LETMD1: variants seen among roughly 807,000 people sequenced by gnomAD.
LETMD1 encodes the protein LETM1 domain-containing protein 1.
Under a neutral mutation model 43.9 loss-of-function variants are expected in LETMD1, and 30 were observed. The ratio of observed to expected loss-of-function variants is 0.68; its 90% CI spans 0.51 to 0.93. LETMD1 has a LOEUF of 0.93. LETMD1 is among the 40% of genes least tolerant of loss of function. The pLI is 0.00. For missense variants in LETMD1, 413 were observed against 447.7 expected (o/e 0.92, Z 0.70); for synonymous variants, 176 against 163.1 (o/e 1.08, Z -0.60).
At chr12:51,059,318 A>AT in intron 8 of LETMD1, 43 bp from the exon 9 acceptor site, 1 of 1,556,998 alleles carries the variant, frequency 6.4e-7, no homozygotes, top group Admixed American at 1.7e-5. Context: ...AGGCAGTTAT[A>AT]AGGCAGTGTT....
At chr12:51,048,953 T>C (rs1945147980) in intron 1 of LETMD1, 81 bp from the exon 2 acceptor site, 1 of 1,323,702 alleles carries the variant, frequency 7.6e-7, no homozygotes, top group African/African-American at 1.5e-5. Flanking sequence ...TCTCCGAGAC[T>C]CCTGCTTTAC....
At position 51,053,836 on chromosome 12, in the gene LETMD1, C is replaced by G. The variant is rs1473639463; in HGVS notation, c.449C>G (p.Ala150Gly). Residue 150 changes from alanine (A) to glycine (G), a missense_variant, in exon 4 of 9, where the codon GCC becomes GGC. Coordinates refer to ENST00000262055, the MANE Select transcript of LETMD1 (RefSeq NM_015416.5). ...FLGIISIPPF[A>G]NYLVFLLMYL... ...GGTATTATTTCCATTCCACCTTTTG[C>G]CAACTACCTGGTCTTCTTGCTAATG... The G allele has an allele frequency of 6.2e-7, 1 of 1,612,462 alleles. No homozygotes were observed. Among genetic ancestry groups the G allele is most frequent in the Non-Finnish European group, 8.5e-7 (1 of 1,178,718 alleles).
At chr12:51,067,470 T>C in the LETMD1 span, among the ~76,000 whole-genome samples, 1 of 151,512 alleles carries the variant, frequency 6.6e-6, no homozygotes, top group South Asian at 2.1e-4. The surrounding 1 kb of genome is among the most constrained non-coding windows in gnomAD (Gnocchi z 4.1). Context: ...GCCTCCCACA[T>C]AGCTAGGATT....
the LETMD1 span, among the ~76,000 whole-genome samples, chr12:51,066,072 T>G: frequency 6.6e-6 from 1 of 151,950 alleles, no homozygotes. Flanking sequence ...GTAATCCCAG[T>G]ACTTCGGGAG....
chr12:51,058,767 C>A (rs1206291116), intron 8 of LETMD1: 1 of 160,734 alleles, frequency 6.2e-6, no homozygotes, highest in Admixed American at 5.9e-5. Flanking sequence ...TCCCTAGCCT[C>A]TACCCACTAG....
chr12:51,068,064 G>A, the LETMD1 span: 72 of 1,180,578 alleles, frequency 6.1e-5, no homozygotes, highest in Middle Eastern at 1.0e-3. Flanking sequence ...TGAACCTTCT[G>A]CAATCATGGG....
intron 1 of LETMD1, chr12:51,048,730 C>T: frequency 1.7e-6 from 1 of 601,544 alleles, no homozygotes; most frequent in Non-Finnish European, 2.9e-6. Flanking sequence ...TTTTTCGGCT[C>T]AGGTTTTACC....
downstream of LETMD1, among the ~76,000 whole-genome samples, chr12:51,060,829 G>A (rs1948795113): frequency 6.6e-6 from 1 of 150,978 alleles, no homozygotes; most frequent in African/African-American, 2.4e-5. Flanking sequence ...GTGAACCCGG[G>A]AGGCGGAGCT....
chr12:51,060,377 G>C lies in LETMD1; in HGVS notation c.*946G>C, dbSNP rs935505858. The C allele has an allele frequency of 1.3e-5, 2 of 152,298 alleles. No individual in the cohort carries two copies. Among genetic ancestry groups the C allele is most frequent in the African/African-American group, 2.4e-5 (1 of 41,450 alleles). 9.4% of individuals were successfully genotyped at this position (152,298 alleles called of 1,614,324 possible). A position where few individuals can be genotyped will look rare whatever the true frequency, so the allele number is the denominator to read the frequency against. ...ACTTATTGTAAATGCATGAAGCACT[G>C]TTTTTAAACCCAAGTAAAGACTGCT... On this transcript the variant is annotated 3_prime_UTR_variant, in exon 9 of 9. Coordinates refer to ENST00000262055, the MANE Select transcript of LETMD1 (RefSeq NM_015416.5).
chr12:51,054,476 G>T (rs1566115090), intron 4 of LETMD1, among the ~76,000 whole-genome samples: 1 of 152,150 alleles, frequency 6.6e-6, no homozygotes, highest in Non-Finnish European at 1.5e-5. Flanking sequence ...TCACTCTTAT[G>T]TCTGGTGCCC....
chr12:51,063,685 G>T, downstream of LETMD1: 9 of 1,306,566 alleles, frequency 6.9e-6, no homozygotes, highest in South Asian at 1.5e-4. Flanking sequence ...TTTTGAAATG[G>T]TGTTAGATAA....
chr12:51,053,940 C>T (rs569131734), intron 4 of LETMD1, 80 bp downstream of exon 4: 3 of 915,938 alleles, frequency 3.3e-6, no homozygotes, highest in East Asian at 2.4e-5. Flanking sequence ...AAACAGCACT[C>T]ATTTCAGAAG....
downstream of LETMD1, among the ~76,000 whole-genome samples, chr12:51,064,917 T>C (rs563765703): frequency 1.3e-5 from 2 of 152,344 alleles, no homozygotes; most frequent in East Asian, 3.9e-4. Context: ...CATTTATCTC[T>C]CTAGGGCTTT....
intron 8 of LETMD1, chr12:51,058,349 T>C (rs1293068766): frequency 3.6e-6 from 2 of 550,236 alleles, no homozygotes; most frequent in Non-Finnish European, 6.5e-6. Flanking sequence ...TAAGAGTGAA[T>C]GCATGCTAGT....
chr12:51,055,883 A>G lies in LETMD1; in HGVS notation c.522A>G (p.Lys174=). 2 of 1,613,890 alleles carry G rather than the reference A, an allele frequency of 1.2e-6. No individual in the cohort carries two copies. The highest frequency in any genetic ancestry group is 1.7e-6 in the Non-Finnish European group (2 of 1,179,930). ...TGATCAGGCATTTCTGGACCCCAAA[A>G]CAACAAACTGATTTCTTAGATATCT... is the stretch of plus-strand genomic sequence containing the variant. ...QLLIRHFWTP[K]QQTDFLDIYH... Residue 174 remains lysine (K), a synonymous_variant, in exon 5 of 9, where the codon AAA becomes AAG. Coordinates refer to ENST00000262055, the MANE Select transcript of LETMD1 (RefSeq NM_015416.5).
the LETMD1 span, among the ~76,000 whole-genome samples, chr12:51,068,600 T>C: frequency 6.6e-6 from 1 of 152,194 alleles, no homozygotes; most frequent in African/African-American, 2.4e-5. Flanking sequence ...TCTTCCCTCC[T>C]ACACGAAAAT....
chr12:51,064,576 G>A (rs1937910317), downstream of LETMD1: 1 of 1,611,424 alleles, frequency 6.2e-7, no homozygotes, highest in Admixed American at 1.7e-5. Context: ...TGGAGGTAAT[G>A]AGTCCGGACC....
At chr12:51,060,856 T>A (rs1948797711), downstream of LETMD1, among the ~76,000 whole-genome samples, 3 of 142,060 alleles carry the variant, frequency 2.1e-5, no homozygotes, top group Non-Finnish European at 3.0e-5. Flanking sequence ...GAGCCGAGAT[T>A]ACGACACTGC....
At chr12:51,067,899 T>C in the LETMD1 span, 2 of 1,614,114 alleles carry the variant, frequency 1.2e-6, no homozygotes, top group Non-Finnish European at 1.7e-6. This position sits in a 1 kb window ranked among gnomAD's most constrained non-coding sequence, Gnocchi z 4.1. Flanking sequence ...CACATCAATA[T>C]CTTCATCTGA....
Sources: allele counts gnomAD v4.1 joint callset (sites outside exome capture counted in the v4.1 genomes callset), GRCh38; gene constraint gnomAD v4.1.1; non-coding constraint Gnocchi (gnomAD v3.1); transcripts MANE v1.5; gene names NCBI Gene and HGNC (gene_info 2026-07-23, HGNC 2026-07-21).